Variants in HOGA1 observed in about 807,000 individuals in gnomAD.
HOGA1 encodes the protein 4-hydroxy-2-oxoglutarate aldolase, mitochondrial.
Under a neutral mutation model 34.3 loss-of-function variants are expected in HOGA1, and 30 were observed. That is an observed-to-expected ratio of 0.87 (90% CI 0.65 to 1.19). HOGA1 has a LOEUF of 1.19. Among genes scored for constraint, HOGA1 ranks in the 50% most tolerant of loss-of-function variants. The pLI is 0.00. For missense variants in HOGA1, 417 were observed against 436.5 expected (o/e 0.96, Z 0.40); for synonymous variants, 161 against 174.0 (o/e 0.93, Z 0.59).
Position 97,584,660 on chromosome 10 carries a change from C to G in HOGA1, c.-44C>G, listed in dbSNP as rs1176800416. ...GTTAGAAAGAGTTCAAACTAAGTCT[C>G]ACTCTGGGACATAGACCAATTGTGC... On this transcript the variant is annotated 5_prime_UTR_variant, in exon 1 of 7. Coordinates refer to ENST00000370646, the MANE Select transcript of HOGA1 (RefSeq NM_138413.4). The G allele has an allele frequency of 2.0e-6, 3 of 1,486,338 alleles. No homozygotes were observed. In the South Asian group the frequency reaches 3.6e-5, roughly 18 times the overall value. 92.1% of individuals were successfully genotyped at this position (1,486,338 alleles called of 1,614,324 possible).
intron 1 of HOGA1, chr10:97,590,644 C>T (rs550373138): frequency 6.9e-6 from 10 of 1,441,082 alleles, no homozygotes; most frequent in Admixed American, 1.8e-5. Flanking sequence ...CTCACACACA[C>T]GTCTGTTTTC....
chr10:97,599,933 C>T, intron 4 of HOGA1, 119 bp downstream of exon 4: 1 of 1,539,280 alleles, frequency 6.5e-7, no homozygotes, highest in Non-Finnish European at 9.0e-7. Flanking sequence ...TGGATTCTCT[C>T]TGTCGTGCGG....
rs543987248 is a variant in HOGA1 at position 97,597,383 on chromosome 10, C to G, written c.212-1392C>G. On this transcript the variant is annotated intron_variant, in intron 1 of 6. Coordinates refer to ENST00000370646, the MANE Select transcript of HOGA1 (RefSeq NM_138413.4). ...TATTGTACTCTGTGTTTGTAAACTA[C>G]TGCCATTTTTTTTTTCTTTAATGGA... Among the ~76,000 whole-genome samples the G allele has an allele frequency of 2.6e-5, 4 of 151,784 alleles. No individual in the cohort carries two copies. The East Asian group carries it at 7.8e-4, about 30-fold the overall frequency.
chr10:97,606,128 CAAAAA>C (rs60230634), intron 6 of HOGA1, among the ~76,000 whole-genome samples: 6 of 95,212 alleles, frequency 6.3e-5, no homozygotes, highest in Admixed American at 4.1e-4. Flanking sequence ...ACTAAAAATA[CAAAAA>C]AAAAAAAAAA....
intron 1 of HOGA1, among the ~76,000 whole-genome samples, chr10:97,591,891 T>A (rs911223775): frequency 7.0e-6 from 1 of 143,440 alleles, no homozygotes; most frequent in African/African-American, 2.6e-5. Context: ...CAGGCTGGAG[T>A]ACAGTGGCGC....
rs2041100047 is a variant in HOGA1, at chr10:97,599,628, G to C, written c.469-52G>C. 4 of 1,610,776 alleles carry C rather than the reference G, an allele frequency of 2.5e-6. No homozygotes were observed. In the African/African-American group the frequency reaches 4.0e-5, roughly 16 times the overall value. ...GTGGGTGGGCAAGTCTCTGGCTCTTGGGACCTGGGGCGGCTGCCCTCTCCT... is the reference window on the plus strand; with the variant it reads ...GTGGGTGGGCAAGTCTCTGGCTCTTCGGACCTGGGGCGGCTGCCCTCTCCT... On this transcript the variant is annotated intron_variant, in intron 3 of 6. Coordinates refer to ENST00000370646, the MANE Select transcript of HOGA1 (RefSeq NM_138413.4).
chr10:97,603,831 A>C lies in HOGA1; in HGVS notation c.834+1841A>C, dbSNP rs2041138965. On this transcript the variant is annotated intron_variant, in intron 6 of 6. Coordinates refer to ENST00000370646, the MANE Select transcript of HOGA1 (RefSeq NM_138413.4). This position sits in a 1 kb window ranked among gnomAD's most constrained non-coding sequence, Gnocchi z 4.5. The stretch of plus-strand genomic sequence containing the variant: ...CGCCTCGACCTCCCAAAGTGCTGGG[A>C]TTACAGGCATGAGCCACTGCGCCTG... 6.6e-6 allele frequency among the ~76,000 whole-genome samples: 1 copy of C among 152,182 alleles called. No individual in the cohort carries two copies. Among genetic ancestry groups the C allele is most frequent in the Non-Finnish European group, 1.5e-5 (1 of 68,036 alleles).
intron 1 of HOGA1, chr10:97,590,333 C>G (rs755053963): frequency 1.9e-6 from 3 of 1,613,970 alleles, no homozygotes; most frequent in Middle Eastern, 1.7e-4. Context: ...TCACTCCATG[C>G]TGCAGCGGGC....
chr10:97,601,435 A>G (rs546586441), intron 5 of HOGA1, among the ~76,000 whole-genome samples: 13 of 152,116 alleles, frequency 8.5e-5, no homozygotes, highest in African/African-American at 3.1e-4. Context: ...GGTTGCATCC[A>G]CTGGGGGGAA....
intron 1 of HOGA1, chr10:97,590,522 G>A (rs1476426689): frequency 3.1e-6 from 5 of 1,612,382 alleles, no homozygotes; most frequent in Non-Finnish European, 8.5e-7. Flanking sequence ...CAGTCACCAT[G>A]GCCACCCAAG....
chr10:97,611,697 A>G lies in HOGA1; in HGVS notation c.*38A>G. ...TCCATGGCTGGCCTGAGCCCATCTC[A>G]GCCTCCTGCCTTGCACTTGCAGCCT... is the stretch of plus-strand genomic sequence containing the variant. On this transcript the variant is annotated 3_prime_UTR_variant, in exon 7 of 7. Coordinates refer to ENST00000370646, the MANE Select transcript of HOGA1 (RefSeq NM_138413.4). The G allele has an allele frequency of 6.3e-7, 1 of 1,595,172 alleles. No individual in the cohort carries two copies. The highest frequency in any genetic ancestry group is 8.5e-7 in the Non-Finnish European group (1 of 1,172,704).
At chr10:97,593,029 CAAAA>C (rs1169191059) in intron 1 of HOGA1, among the ~76,000 whole-genome samples, 25 of 47,802 alleles carry the variant, frequency 5.2e-4, no homozygotes, top group African/African-American at 1.3e-3. Flanking sequence ...GACTCTGTCT[CAAAA>C]AAAAAAAAAA....
intron 6 of HOGA1, among the ~76,000 whole-genome samples, chr10:97,610,118 C>G (rs974173561): frequency 6.6e-6 from 1 of 152,166 alleles, no homozygotes; most frequent in Non-Finnish European, 1.5e-5. Flanking sequence ...AGTTGCTATA[C>G]CAAAAGCAAG....
At position 97,598,904 on chromosome 10, in the gene HOGA1, G is replaced by A. The variant is rs759407659; in HGVS notation, c.340+1G>A. 2 of 1,613,874 alleles carry A rather than the reference G, an allele frequency of 1.2e-6. No homozygotes were observed. The highest frequency in any genetic ancestry group is 1.7e-6 in the Non-Finnish European group (2 of 1,180,032). On this transcript the variant is annotated splice_donor_variant, in intron 2 of 6. Transcript: ENST00000370646. LOFTEE classifies it high-confidence loss of function. ...CTGCTAGCTGGCTCCGGATGCGAGT[G>A]TGAGCCAGAATGCCCTGGGCCCTGG...
chr10:97,593,608 A>G (rs899199760), intron 1 of HOGA1, among the ~76,000 whole-genome samples: 1 of 152,226 alleles, frequency 6.6e-6, no homozygotes, highest in Non-Finnish European at 1.5e-5. Flanking sequence ...GCCGCAGACC[A>G]GGGCAGAAAA....
chr10:97,599,232 G>A lies in HOGA1; in HGVS notation c.468+16G>A. 1.2e-6 allele frequency: 2 copies of A among 1,613,908 alleles called. No individual in the cohort carries two copies. Among genetic ancestry groups the A allele is most frequent in the South Asian group, 1.1e-5 (1 of 91,060 alleles). The stretch of plus-strand genomic sequence containing the variant: ...CTACACCAAGGTGTGTGTGAGGCCT[G>A]AGACCAAGAGGAGGCTCTGCCCAGG... On this transcript the variant is annotated intron_variant, in intron 3 of 6. Coordinates refer to ENST00000370646, the MANE Select transcript of HOGA1 (RefSeq NM_138413.4).
Position 97,584,635 on chromosome 10 carries a change from G to A in HOGA1, c.-69G>A, listed in dbSNP as rs2040951630. ...TAGAAACATTGATCATTAATAGGGG[G>A]TTAGAAAGAGTTCAAACTAAGTCTC... On this transcript the variant is annotated 5_prime_UTR_variant, in exon 1 of 7. Transcript: ENST00000370646. The A allele has an allele frequency of 1.5e-6, 2 of 1,338,502 alleles. No individual in the cohort carries two copies. The highest frequency in any genetic ancestry group is 1.3e-5 in the South Asian group (1 of 75,274). The allele number at this position is 1,338,502 out of a possible 1,614,324, so 82.9% of individuals were successfully genotyped here.
intron 1 of HOGA1, among the ~76,000 whole-genome samples, chr10:97,585,905 G>A (rs553750862): frequency 2.6e-5 from 4 of 152,262 alleles, no homozygotes; most frequent in East Asian, 1.9e-4. Flanking sequence ...TTGGGAGGCC[G>A]AGGCGGAGGG....
chr10:97,599,495 T>C (rs1176616239), intron 3 of HOGA1, 185 bp from the exon 4 acceptor site: 1 of 818,738 alleles, frequency 1.2e-6, no homozygotes, highest in Non-Finnish European at 2.0e-6. Context: ...GCGTGGCATA[T>C]GGAAAGCACT....
Sources: gnomAD v4.1 joint callset for allele counts (sites outside exome capture counted in the v4.1 genomes callset) on GRCh38, gnomAD v4.1.1 for gene constraint, Gnocchi (gnomAD v3.1) non-coding constraint, MANE v1.5 for transcripts, NCBI Gene and HGNC (gene_info 2026-07-23, HGNC 2026-07-21) for gene names.